The following PKIA variants were observed in gnomAD, a reference collection of about 807,000 sequenced individuals.
PKIA encodes the protein cAMP-dependent protein kinase inhibitor alpha, also known as PKI-alpha.
PKIA carries 4 observed loss-of-function variants against 7.6 expected under a neutral mutation model. The observed-to-expected ratio is 0.52, with a 90% CI of 0.26 to 1.20. The LOEUF is 1.20. Among genes scored for constraint, PKIA ranks in the 50% most tolerant of loss-of-function variants. The probability of loss-of-function intolerance (pLI) is 0.13; values close to 1 mark genes in which losing one functional copy is unlikely to be tolerated. For synonymous variants in PKIA, 21 were observed against 30.7 expected, an observed-to-expected ratio of 0.68 and a Z score of 1.04; for missense variants, 73 against 86.2, an observed-to-expected ratio of 0.85 and a Z score of 0.61.
chr8:78,536,131 A>G (rs989270258), intron 1 of PKIA, among the ~76,000 whole-genome samples: 2 of 151,750 alleles, frequency 1.3e-5, no homozygotes, highest in African/African-American at 2.4e-5. Flanking sequence ...CACAAACAAA[A>G]CCCTATCAAG....
At chr8:78,576,540 C>T (rs571302916) in intron 2 of PKIA, among the ~76,000 whole-genome samples, 58 of 151,644 alleles carry the variant, frequency 3.8e-4, no homozygotes, top group Non-Finnish European at 5.9e-4. Flanking sequence ...TGCTGTCTAA[C>T]GTTGTATCCA....
At chr8:78,572,565 A>T (rs554257982) in intron 1 of PKIA, among the ~76,000 whole-genome samples, 17 of 151,888 alleles carry the variant, frequency 1.1e-4, no homozygotes, top group African/African-American at 3.1e-4. Flanking sequence ...ACACACACAC[A>T]CACACACAAT....
At position 78,544,925 on chromosome 8, in the gene PKIA, C is replaced by T. The variant is rs937413499; in HGVS notation, c.-156-27886C>T. ...GAAAAAGTAAATACACATTAAATAG[C>T]CAGTAATAGAGGCCTGATTAAATAT... is the stretch of plus-strand genomic sequence containing the variant. On this transcript the variant is annotated intron_variant, in intron 1 of 3. Transcript: ENST00000396418. 2.6e-5 allele frequency among the ~76,000 whole-genome samples: 4 copies of T among 151,914 alleles called. No individual in the cohort carries two copies. In the East Asian group the frequency reaches 7.7e-4, roughly 29 times the overall value.
intron 1 of PKIA, among the ~76,000 whole-genome samples, chr8:78,530,891 GCTTCT>G (rs768698918): frequency 2.0e-5 from 3 of 152,002 alleles, no homozygotes; most frequent in Non-Finnish European, 2.9e-5. Flanking sequence ...TTTCTACTAA[GCTTCT>G]CTTAAGGATA....
At chr8:78,519,018 GA>G (rs1405330655) in intron 1 of PKIA, among the ~76,000 whole-genome samples, 1 of 151,970 alleles carries the variant, frequency 6.6e-6, no homozygotes, top group African/African-American at 2.4e-5. Flanking sequence ...GTTTCCTAGG[GA>G]GAGGAAAAAC....
chr8:78,584,044 T>G (rs926743765), intron 2 of PKIA, among the ~76,000 whole-genome samples: 1 of 152,122 alleles, frequency 6.6e-6, no homozygotes, highest in African/African-American at 2.4e-5. Flanking sequence ...TAAAAATATA[T>G]GTAAAACAGC....
intron 3 of PKIA, among the ~76,000 whole-genome samples, chr8:78,599,608 A>T (rs1389606357): frequency 6.6e-6 from 1 of 152,002 alleles, no homozygotes; most frequent in African/African-American, 2.4e-5. Context: ...GAATATGTAG[A>T]CCTGTATAAA....
intron 2 of PKIA, among the ~76,000 whole-genome samples, chr8:78,587,426 T>G (rs1807973090): frequency 6.6e-6 from 1 of 152,226 alleles, no homozygotes; most frequent in Non-Finnish European, 1.5e-5. Flanking sequence ...CGATTAACCT[T>G]TCGCTGCTTT....
At chr8:78,571,401 TCAGTG>T (rs2118555833) in intron 1 of PKIA, among the ~76,000 whole-genome samples, 1 of 152,250 alleles carries the variant, frequency 6.6e-6, no homozygotes, top group Admixed American at 6.5e-5. Context: ...ACTCAGCATT[TCAGTG>T]CATACTGATA....
chr8:78,579,423 AC>A (rs1277534446), intron 2 of PKIA, among the ~76,000 whole-genome samples: 1 of 151,962 alleles, frequency 6.6e-6, no homozygotes, highest in African/African-American at 2.4e-5. Context: ...AAACTCATTT[AC>A]CACTTTCCCC....
At chr8:78,578,267 A>G (rs1807723923) in intron 2 of PKIA, among the ~76,000 whole-genome samples, 1 of 152,020 alleles carries the variant, frequency 6.6e-6, no homozygotes, top group South Asian at 2.1e-4. Flanking sequence ...TTCACTTATG[A>G]CAAGTCTCAA....
intron 2 of PKIA, among the ~76,000 whole-genome samples, chr8:78,588,689 A>G (rs1396145613): frequency 6.6e-6 from 1 of 152,144 alleles, no homozygotes; most frequent in Non-Finnish European, 1.5e-5. Flanking sequence ...ATAGTTCCTG[A>G]GAAAACAGTC....
At chr8:78,521,568 C>T (rs777009397) in intron 1 of PKIA, among the ~76,000 whole-genome samples, 12 of 151,876 alleles carry the variant, frequency 7.9e-5, no homozygotes, top group Non-Finnish European at 1.5e-4. Flanking sequence ...TAAGCTGTTA[C>T]CTTCTTTACA....
intron 2 of PKIA, among the ~76,000 whole-genome samples, chr8:78,575,955 C>A (rs1456230153): frequency 1.3e-5 from 2 of 151,956 alleles, no homozygotes; most frequent in Admixed American, 1.3e-4. Flanking sequence ...TCTCCTGAGG[C>A]CTCTCTCCTT....
At chr8:78,525,133 G>C (rs1375944284) in intron 1 of PKIA, among the ~76,000 whole-genome samples, 3 of 151,518 alleles carry the variant, frequency 2.0e-5, no homozygotes, top group African/African-American at 7.3e-5. Context: ...TATCTAGTAA[G>C]CAGTTCAAGA....
intron 1 of PKIA, among the ~76,000 whole-genome samples, chr8:78,528,400 C>T (rs978684461): frequency 6.6e-6 from 1 of 152,000 alleles, no homozygotes; most frequent in South Asian, 2.1e-4. Context: ...GTTTTTCTTC[C>T]GCTTTATAAC....
intron 1 of PKIA, among the ~76,000 whole-genome samples, chr8:78,572,572 C>CACACAA (rs1272304162): frequency 7.3e-5 from 11 of 150,838 alleles, no homozygotes; most frequent in Non-Finnish European, 1.3e-4. Context: ...CACACACACA[C>CACACAA]AATTAATTAA....
chr8:78,539,687 T>A (rs1806624306), intron 1 of PKIA, among the ~76,000 whole-genome samples: 1 of 152,086 alleles, frequency 6.6e-6, no homozygotes, highest in East Asian at 1.9e-4. Flanking sequence ...TATGTGATTA[T>A]GTAGTCCACA....
chr8:78,522,357 A>G (rs971238343), intron 1 of PKIA, among the ~76,000 whole-genome samples: 4 of 151,896 alleles, frequency 2.6e-5, no homozygotes, highest in Non-Finnish European at 4.4e-5. Context: ...CAGTACTTTT[A>G]CTTTTGATCA....
Sources: gnomAD v4.1 joint callset for allele counts (sites outside exome capture counted in the v4.1 genomes callset) on GRCh38, gnomAD v4.1.1 for gene constraint, MANE v1.5 for transcripts, NCBI Gene and HGNC (gene_info 2026-07-23, HGNC 2026-07-21) for gene names.